Variants in SLC26A7 observed in about 807,000 individuals in gnomAD.
SLC26A7 encodes the protein anion exchange transporter.
SLC26A7 carries 59 observed loss-of-function variants against 82.5 expected under a neutral mutation model. The ratio of observed to expected loss-of-function variants is 0.72; its 90% CI spans 0.58 to 0.89. The LOEUF (loss-of-function observed/expected upper bound fraction) is 0.89. SLC26A7 is among the 40% of genes least tolerant of loss of function. The probability of loss-of-function intolerance (pLI) is 0.00; values close to 1 mark genes in which losing one functional copy is unlikely to be tolerated. For synonymous variants in SLC26A7, 271 were observed against 274.3 expected (o/e 0.99, Z 0.12); for missense variants, 820 against 793.0 (o/e 1.03, Z -0.41).
intron 14 of SLC26A7, 65 bp downstream of exon 14, chr8:91,366,782 T>A (rs1814206711): frequency 6.6e-6 from 10 of 1,520,776 alleles, no homozygotes; most frequent in Non-Finnish European, 8.9e-6. Flanking sequence ...CAATAAAACA[T>A]GTATCAAGTA....
At chr8:91,313,617 C>T (rs904439061) in intron 4 of SLC26A7, among the ~76,000 whole-genome samples, 6 of 152,144 alleles carry the variant, frequency 3.9e-5, no homozygotes, top group Admixed American at 3.9e-4. Context: ...CTTTACCATC[C>T]AGTCACCTAT....
intron 4 of SLC26A7, among the ~76,000 whole-genome samples, chr8:91,300,458 C>T (rs1198486701): frequency 1.3e-5 from 2 of 150,352 alleles, no homozygotes; most frequent in Non-Finnish European, 3.0e-5. Flanking sequence ...AGTGCAGGGG[C>T]GCGATCTCGG....
At chr8:91,235,755 T>C (rs564967985) in intron 2 of SLC26A7, among the ~76,000 whole-genome samples, 1 of 152,352 alleles carries the variant, frequency 6.6e-6, no homozygotes, top group African/African-American at 2.4e-5. Context: ...TCTTGAGCCA[T>C]ATCTGAGTTG....
At chr8:91,360,202 G>A (rs562349198) in intron 11 of SLC26A7, among the ~76,000 whole-genome samples, 38 of 152,224 alleles carry the variant, frequency 2.5e-4, no homozygotes, top group African/African-American at 8.4e-4. Flanking sequence ...ATAGGCTGGG[G>A]GAAATGAGGT....
chr8:91,394,925 C>T (rs1808528233), intron 18 of SLC26A7, 137 bp from the exon 19 acceptor site: 1 of 1,040,058 alleles, frequency 9.6e-7, no homozygotes, highest in African/African-American at 1.6e-5. Flanking sequence ...AACTGCTCTA[C>T]TCTGATGCCT....
At chr8:91,273,166 A>T (rs7846637) in intron 2 of SLC26A7, among the ~76,000 whole-genome samples, 2,781 of 152,216 alleles carry the variant, frequency 0.018, 100 homozygotes, top group African/African-American at 0.063. Flanking sequence ...TTTGTTTTTA[A>T]TGCATATTGT....
intron 10 of SLC26A7, among the ~76,000 whole-genome samples, chr8:91,352,141 G>C (rs1813734247): frequency 6.6e-6 from 1 of 151,984 alleles, no homozygotes; most frequent in Admixed American, 6.6e-5. Context: ...TTCATTCTGT[G>C]CTCATCTGGA....
chr8:91,388,921 C>G (rs1032306559), intron 15 of SLC26A7, among the ~76,000 whole-genome samples: 1 of 151,972 alleles, frequency 6.6e-6, no homozygotes, highest in Admixed American at 6.6e-5. Context: ...AAACGGGGCT[C>G]TACTCCGGGC....
intron 4 of SLC26A7, among the ~76,000 whole-genome samples, chr8:91,311,604 T>G (rs1057465597): frequency 6.6e-6 from 1 of 152,204 alleles, no homozygotes; most frequent in Non-Finnish European, 1.5e-5. Context: ...AACCAAGTAG[T>G]ATCTGAGACA....
intron 5 of SLC26A7, among the ~76,000 whole-genome samples, chr8:91,318,871 A>G (rs1480475306): frequency 6.6e-6 from 1 of 152,196 alleles, no homozygotes; most frequent in Admixed American, 6.5e-5. Context: ...CATTTGCAAC[A>G]TATTTTTCTA....
rs574369973 is a variant in SLC26A7 at position 91,284,044 on chromosome 8, A to G, written c.194-5092A>G. On this transcript the variant is annotated intron_variant, in intron 2 of 18. Transcript: ENST00000276609. ...AAAATGAATACAGTACTTTAACATG[A>G]TTTTGAGAAATATGTGTATATACAT... 1.1e-4 allele frequency among the ~76,000 whole-genome samples: 17 copies of G among 152,306 alleles called. No individual in the cohort carries two copies. The South Asian group carries it at 3.5e-3, about 32-fold the overall frequency.
rs751893372 is a variant in SLC26A7 at position 91,340,438 on chromosome 8, C to T, written c.913C>T (p.Leu305Phe). The T allele has an allele frequency of 6.2e-7, 1 of 1,613,946 alleles. No homozygotes were observed. The highest frequency in any genetic ancestry group is 8.5e-7 in the Non-Finnish European group (1 of 1,179,898). ...PSPRAPPMNI[L>F]SAVITEAFGV... Reference sequence around the variant, plus strand: ...ACCTAGAGCTCCCCCGATGAACATCCTCTCTGCGGTGATCACTGAAGCTTT... The same window carrying T: ...ACCTAGAGCTCCCCCGATGAACATCTTCTCTGCGGTGATCACTGAAGCTTT... The change falls in exon 8 of 19, where the codon CTC becomes TTC. Residue 305 changes from leucine (L) to phenylalanine (F), a missense_variant. Transcript: ENST00000276609.
At chr8:91,367,381 C>T (rs1414458240) in intron 14 of SLC26A7, among the ~76,000 whole-genome samples, 6 of 152,200 alleles carry the variant, frequency 3.9e-5, no homozygotes, top group Non-Finnish European at 8.8e-5. Context: ...TAAATGACTT[C>T]AGAGACGCAT....
At chr8:91,225,004 T>C (rs970818659) in intron 2 of SLC26A7, among the ~76,000 whole-genome samples, 2 of 152,190 alleles carry the variant, frequency 1.3e-5, no homozygotes, top group Non-Finnish European at 2.9e-5. Context: ...GGGACAAGAA[T>C]TGGGACCAAG....
At position 91,395,098 on chromosome 8, in the gene SLC26A7, G is replaced by T; in HGVS notation, c.*1G>T. 1 of 1,613,418 alleles carries T rather than the reference G, an allele frequency of 6.2e-7. No individual in the cohort carries two copies. Among genetic ancestry groups the T allele is most frequent in the Non-Finnish European group, 8.5e-7 (1 of 1,179,410 alleles). On this transcript the variant is annotated 3_prime_UTR_variant, in exon 19 of 19. Coordinates refer to ENST00000276609, the MANE Select transcript of SLC26A7 (RefSeq NM_052832.4). Reference sequence around the variant, plus strand: ...ACTCAGTGACCACAGTGAAGTCTGAGACCCTTTTGTCACAGTACAGCTCTT... The same window carrying T: ...ACTCAGTGACCACAGTGAAGTCTGATACCCTTTTGTCACAGTACAGCTCTT...
chr8:91,276,324 T>C (rs1811405006), intron 2 of SLC26A7, among the ~76,000 whole-genome samples: 1 of 152,244 alleles, frequency 6.6e-6, no homozygotes, highest in Non-Finnish European at 1.5e-5. Context: ...ACAAATTCAC[T>C]ACTAACTTGC....
At chr8:91,220,409 C>T (rs188019457) in intron 2 of SLC26A7, among the ~76,000 whole-genome samples, 9 of 151,350 alleles carry the variant, frequency 5.9e-5, no homozygotes, top group Non-Finnish European at 1.2e-4. Flanking sequence ...AACTGGGATA[C>T]ATGTGCAGAC....
chr8:91,236,567 TA>T lies in SLC26A7; in HGVS notation c.-33-13042del, dbSNP rs34866045. Among the ~76,000 whole-genome samples, 5 of 150,464 alleles carry T rather than the reference TA, an allele frequency of 3.3e-5. No individual in the cohort carries two copies. The South Asian group carries it at 6.3e-4, about 19-fold the overall frequency. On this transcript the variant is annotated intron_variant, in intron 2 of 5. Transcript: ENST00000522862. ...ATAAATTCAATAACTTCTGTGCAGA[TA>T]AAAAAAAAACTCACAAATTTTATCC...
chr8:91,366,731 T>A lies in SLC26A7; in HGVS notation c.1626+14T>A, dbSNP rs1814205197. On this transcript the variant is annotated intron_variant, in intron 14 of 18. Transcript: ENST00000276609. Reference sequence around the variant, plus strand: ...GATATCAGCAAGGTAGGATCAATGGTTTGATTAGAATGTCATACTACATGT... The same window carrying A: ...GATATCAGCAAGGTAGGATCAATGGATTGATTAGAATGTCATACTACATGT... The A allele has an allele frequency of 1.2e-6, 2 of 1,604,774 alleles. No individual in the cohort carries two copies. The highest frequency in any genetic ancestry group is 1.7e-6 in the Non-Finnish European group (2 of 1,177,414).
Sources: allele counts gnomAD v4.1 joint callset (sites outside exome capture counted in the v4.1 genomes callset), GRCh38; gene constraint gnomAD v4.1.1; transcripts MANE v1.5; gene names NCBI Gene and HGNC (gene_info 2026-07-23, HGNC 2026-07-21).